Variants in DTNA observed in about 807,000 individuals in gnomAD.
DTNA encodes dystrobrevin alpha.
Under a neutral mutation model 100.7 loss-of-function variants are expected in DTNA, and 43 were observed. The observed-to-expected ratio is 0.43, with a 90% CI of 0.33 to 0.55. The LOEUF (loss-of-function observed/expected upper bound fraction) is 0.55. Among genes scored for constraint, DTNA ranks in the 20% least tolerant of loss-of-function variants. DTNA has a pLI of 0.04. For synonymous variants in DTNA, 349 were observed against 347.9 expected (o/e 1.00, Z -0.04); for missense variants, 798 against 953.9 (o/e 0.84, Z 2.15).
intron 1 of DTNA, among the ~76,000 whole-genome samples, chr18:34,613,496 C>A (rs1282219233): frequency 1.3e-5 from 2 of 152,140 alleles, no homozygotes; most frequent in African/African-American, 2.4e-5. Flanking sequence ...ATTGTAAATG[C>A]AAAGTAAAAG....
intron 19 of DTNA, 78 bp from the exon 20 acceptor site, chr18:34,879,473 G>T: frequency 6.9e-7 from 1 of 1,443,316 alleles, no homozygotes; most frequent in Non-Finnish European, 9.7e-7. Context: ...AGGTTGATTT[G>T]TGAAGCCTAC....
chr18:34,635,723 C>T (rs891728069), intron 1 of DTNA, among the ~76,000 whole-genome samples: 12 of 152,124 alleles, frequency 7.9e-5, no homozygotes, highest in African/African-American at 2.9e-4. Flanking sequence ...TTAATATAAC[C>T]ATTGATCTCA....
chr18:34,848,516 T>C, intron 14 of DTNA, 133 bp downstream of exon 14: 1 of 1,022,092 alleles, frequency 9.8e-7, no homozygotes, highest in Non-Finnish European at 1.5e-6. Flanking sequence ...CATGTGTTTG[T>C]TGCTAAGTTT....
At chr18:34,774,619 G>A (rs1191293453) in intron 3 of DTNA, among the ~76,000 whole-genome samples, 1 of 152,208 alleles carries the variant, frequency 6.6e-6, no homozygotes, top group Non-Finnish European at 1.5e-5. Flanking sequence ...GGACCATTCA[G>A]AAATTCATCC....
chr18:34,550,086 T>A (rs1210514790), intron 1 of DTNA, among the ~76,000 whole-genome samples: 1 of 152,150 alleles, frequency 6.6e-6, no homozygotes, highest in Admixed American at 6.6e-5. Flanking sequence ...GGTAAACAAC[T>A]CTAGAAAGCT....
intron 1 of DTNA, among the ~76,000 whole-genome samples, chr18:34,743,084 A>G (rs989450516): frequency 3.3e-5 from 5 of 152,148 alleles, no homozygotes; most frequent in Non-Finnish European, 7.4e-5. Context: ...TCTTCAATGG[A>G]AGGGACATAA....
At chr18:34,867,075 G>T in intron 17 of DTNA, 1 of 1,230,336 alleles carries the variant, frequency 8.1e-7, no homozygotes, top group South Asian at 4.2e-5. Flanking sequence ...CGCTATGTAT[G>T]ACAATATATC....
rs571828973 is a variant in DTNA at position 34,621,810 on chromosome 18, A to G, written c.-2+128296A>G. ...TTCTTGAAAATTGCTAAGAGAGTAGATATTAGGTGTTCATTATAAAAAATA... is the reference window on the plus strand; with the variant it reads ...TTCTTGAAAATTGCTAAGAGAGTAGGTATTAGGTGTTCATTATAAAAAATA... On this transcript the variant is annotated intron_variant, in intron 1 of 19. Coordinates refer to the DTNA transcript ENST00000283365. Among the ~76,000 whole-genome samples the G allele has an allele frequency of 4.9e-3, 745 of 152,300 alleles. 7 individuals carry two copies. The highest frequency in any genetic ancestry group is 0.017 in the African/African-American group (700 of 41,560).
chr18:34,732,507 A>T (rs191424890), intron 1 of DTNA, among the ~76,000 whole-genome samples: 1 of 152,354 alleles, frequency 6.6e-6, no homozygotes. Flanking sequence ...GTAGCAAAGG[A>T]TGCAACCTGG....
At chr18:34,628,986 T>A (rs1209556194) in intron 1 of DTNA, among the ~76,000 whole-genome samples, 2 of 152,168 alleles carry the variant, frequency 1.3e-5, no homozygotes, top group Admixed American at 1.3e-4. Context: ...AATCTAACAC[T>A]GTACCCACAT....
At chr18:34,524,763 A>T (rs9945006) in intron 1 of DTNA, among the ~76,000 whole-genome samples, 2,335 of 151,152 alleles carry the variant, frequency 0.015, 62 homozygotes, top group African/African-American at 0.053. Flanking sequence ...ATTTTTTTTT[A>T]AAAAAAAGGT....
At chr18:34,546,583 TA>T (rs2044802806) in intron 1 of DTNA, among the ~76,000 whole-genome samples, 2 of 152,138 alleles carry the variant, frequency 1.3e-5, no homozygotes, top group Admixed American at 1.3e-4. Context: ...AATGAAGACA[TA>T]ATCAATGCAT....
intron 4 of DTNA, among the ~76,000 whole-genome samples, chr18:34,795,987 C>T (rs1249883265): frequency 2.6e-5 from 4 of 152,140 alleles, no homozygotes; most frequent in Non-Finnish European, 5.9e-5. Context: ...GACATCTATT[C>T]CAAGGTAAGG....
intron 1 of DTNA, among the ~76,000 whole-genome samples, chr18:34,565,113 A>T (rs1419611907): frequency 6.6e-6 from 1 of 152,240 alleles, no homozygotes; most frequent in East Asian, 1.9e-4. Context: ...ACAAATGAAA[A>T]GAAACATTTA....
At chr18:34,606,652 G>A (rs527786213) in intron 1 of DTNA, among the ~76,000 whole-genome samples, 1 of 152,124 alleles carries the variant, frequency 6.6e-6, no homozygotes, top group Non-Finnish European at 1.5e-5. Context: ...CAGTATAAAG[G>A]TGCCCAGAGA....
At chr18:34,747,228 A>C (rs1355098651) in intron 1 of DTNA, among the ~76,000 whole-genome samples, 1 of 152,170 alleles carries the variant, frequency 6.6e-6, no homozygotes, top group Non-Finnish European at 1.5e-5. Flanking sequence ...GCAAAGCAGC[A>C]TAAGAATTCC....
Position 34,815,926 on chromosome 18 carries a change from T to C in DTNA, c.621T>C (p.Asn207=). ...TTATGCAGAAAAAAGTCACGTTAAA[T>C]GGTTTCTTGGACACGCTTATGTCAG... ...CFSQQKKVTL[N]GFLDTLMSDP... is the part of the protein sequence containing the mutation. The change falls in exon 7 of 23, where the codon AAT becomes AAC. Residue 207 remains asparagine (N), a synonymous_variant. Transcript: ENST00000444659. The C allele has an allele frequency of 2.5e-6, 4 of 1,613,792 alleles. No individual in the cohort carries two copies. Among genetic ancestry groups the C allele is most frequent in the Non-Finnish European group, 3.4e-6 (4 of 1,179,722 alleles).
chr18:34,535,772 T>G (rs538625769), intron 1 of DTNA, among the ~76,000 whole-genome samples: 5 of 152,232 alleles, frequency 3.3e-5, no homozygotes, highest in African/African-American at 1.2e-4. Context: ...TTGCTTGTTT[T>G]TGTCATGTTT....
At chr18:34,778,038 A>G (rs1490532658) in intron 3 of DTNA, among the ~76,000 whole-genome samples, 1 of 152,224 alleles carries the variant, frequency 6.6e-6, no homozygotes, top group Non-Finnish European at 1.5e-5. Context: ...CTAGAAGGCC[A>G]TGTGACAAAA....
Sources: gnomAD v4.1 joint callset for allele counts (sites outside exome capture counted in the v4.1 genomes callset) on GRCh38, gnomAD v4.1.1 for gene constraint, MANE v1.5 for transcripts, NCBI Gene and HGNC (gene_info 2026-07-23, HGNC 2026-07-21) for gene names.